Variants in PDK3 observed in about 807,000 individuals in gnomAD.
The protein encoded by PDK3 is pyruvate dehydrogenase kinase 3.
Under a neutral mutation model 32.0 loss-of-function variants are expected in PDK3, and 12 were observed. The ratio of observed to expected loss-of-function variants is 0.37; its 90% CI spans 0.24 to 0.61. PDK3 has a LOEUF of 0.61. PDK3 is among the 20% of genes least tolerant of loss of function. The probability of loss-of-function intolerance (pLI) is 0.65; values close to 1 mark genes in which losing one functional copy is unlikely to be tolerated. For missense variants in PDK3, 188 were observed against 316.9 expected (o/e 0.59, Z 3.09); for synonymous variants, 122 against 116.3 (o/e 1.05, Z -0.31).
Position 24,465,582 on chromosome X carries a change from C to T in PDK3, c.106+21C>T, listed in dbSNP as rs769411227. 4.6e-6 allele frequency: 5 copies of T among 1,078,135 alleles called. No homozygotes were observed. The South Asian group carries it at 9.6e-5, about 21-fold the overall frequency. 88.9% of individuals were successfully genotyped at this position (1,078,135 alleles called of 1,213,427 possible). A position where few individuals can be genotyped will look rare whatever the true frequency, so the allele number is the denominator to read the frequency against. Reference sequence around the variant, plus strand: ...CTTCGGTGAGTACGGGGCCAAGGGTCCCCATGGGCCCGGGGCCGCCGCCAT... The same window carrying T: ...CTTCGGTGAGTACGGGGCCAAGGGTTCCCATGGGCCCGGGGCCGCCGCCAT... On this transcript the variant is annotated intron_variant, in intron 1 of 10. Transcript: ENST00000379162.
At chrX:24,533,155 G>C (rs1350994390) in intron 10 of PDK3, among the ~76,000 whole-genome samples, 1 of 45,620 alleles carries the variant, frequency 2.2e-5, no homozygotes, top group Non-Finnish European at 3.9e-5. Context: ...TTTTTTTTTT[G>C]AGATAGAGTC....
intron 9 of PDK3, among the ~76,000 whole-genome samples, chrX:24,528,634 T>G (rs988452912): frequency 8.8e-6 from 1 of 113,118 alleles, no homozygotes; most frequent in African/African-American, 3.2e-5. Context: ...CTGTCAAATT[T>G]GTTTATATAA....
At chrX:24,532,109 T>C (rs967019351) in intron 10 of PDK3, among the ~76,000 whole-genome samples, 2 of 110,064 alleles carry the variant, frequency 1.8e-5, no homozygotes, top group African/African-American at 3.3e-5. Flanking sequence ...CTACTAAAAG[T>C]ACAAAAAATT....
At chrX:24,486,888 C>T (rs1247300640) in intron 1 of PDK3, among the ~76,000 whole-genome samples, 1 of 111,645 alleles carries the variant, frequency 9.0e-6, no homozygotes, top group Non-Finnish European at 1.9e-5. Flanking sequence ...GCCTCAGCCT[C>T]CCAAAGTGCT....
chrX:24,529,627 C>T (rs1922601177), intron 9 of PDK3, among the ~76,000 whole-genome samples: 3 of 110,404 alleles, frequency 2.7e-5, no homozygotes, highest in Admixed American at 1.9e-4. Context: ...GGAGCAGTGG[C>T]GCATGCTTGT....
chrX:24,498,450 G>A (rs766931584), intron 2 of PDK3, among the ~76,000 whole-genome samples: 2 of 112,086 alleles, frequency 1.8e-5, no homozygotes, highest in East Asian at 5.6e-4. Flanking sequence ...CAAAAGCAGA[G>A]CAGGTTGATT....
chrX:24,544,195 G>A (rs1314169343), exon 12 of PDK3, among the ~76,000 whole-genome samples: 1 of 111,317 alleles, frequency 9.0e-6, no homozygotes, highest in African/African-American at 3.3e-5. Context: ...GGAACATGTT[G>A]TCTGTGAGTG....
chrX:24,539,820 C>T (rs187023859), exon 12 of PDK3: 10 of 112,212 alleles, frequency 8.9e-5, no homozygotes, highest in Admixed American at 7.6e-4. Flanking sequence ...TTAAAGCATT[C>T]GAAATGTTAT....
chrX:24,482,084 C>T (rs1054089660), intron 1 of PDK3, among the ~76,000 whole-genome samples: 3 of 112,347 alleles, frequency 2.7e-5, no homozygotes, highest in Non-Finnish European at 5.6e-5. Flanking sequence ...CTGTAATTCT[C>T]ACAGCGTCCA....
intron 1 of PDK3, among the ~76,000 whole-genome samples, chrX:24,468,157 G>GTA (rs1260499423): frequency 7.1e-5 from 8 of 112,170 alleles, no homozygotes; most frequent in African/African-American, 2.6e-4. Context: ...TTATGTGGAT[G>GTA]TACTGCACAT....
At chrX:24,518,812 C>T (rs1372300643) in intron 5 of PDK3, 121 bp from the exon 6 acceptor site, 1 of 391,331 alleles carries the variant, frequency 2.6e-6, no homozygotes, top group African/African-American at 2.7e-5. Context: ...ATCTTATGTA[C>T]CTATAGATAT....
At chrX:24,516,620 A>C (rs977773620) in intron 5 of PDK3, among the ~76,000 whole-genome samples, 1 of 111,798 alleles carries the variant, frequency 8.9e-6, no homozygotes, top group Non-Finnish European at 1.9e-5. Context: ...TTATGTAAAA[A>C]GTCCAGAATA....
intron 1 of PDK3, among the ~76,000 whole-genome samples, chrX:24,470,964 G>C (rs750435007): frequency 9.1e-6 from 1 of 110,112 alleles, no homozygotes; most frequent in East Asian, 2.8e-4. Context: ...TTAAAAATTA[G>C]GTGCTTTCTG....
chrX:24,547,269 C>T (rs1923017615), exon 12 of PDK3: 1 of 112,297 alleles, frequency 8.9e-6, no homozygotes, highest in South Asian at 3.6e-4. Context: ...ATACCGGATC[C>T]AGGAAGCTTA....
intron 1 of PDK3, among the ~76,000 whole-genome samples, chrX:24,478,514 C>T (rs925667180): frequency 2.0e-4 from 22 of 111,601 alleles, no homozygotes; most frequent in South Asian, 1.1e-3. Flanking sequence ...TAGCCTATTT[C>T]GCTTTTATGG....
At chrX:24,507,819 TGCTAGCTTTGAGAGA>T (rs1374589206) in intron 5 of PDK3, among the ~76,000 whole-genome samples, 2 of 94,010 alleles carry the variant, frequency 2.1e-5, no homozygotes, top group African/African-American at 7.3e-5. Context: ...TATAAAGGAG[TGCTAGCTTTGAGAGA>T]GGTATTTAAA....
At chrX:24,494,088 C>A (rs746523525) in intron 1 of PDK3, among the ~76,000 whole-genome samples, 1 of 112,358 alleles carries the variant, frequency 8.9e-6, no homozygotes, top group African/African-American at 3.2e-5. Context: ...TATGGTCAAC[C>A]CACATCTTAC....
chrX:24,499,159 A>G, intron 3 of PDK3: 1 of 200,468 alleles, frequency 5.0e-6, no homozygotes, highest in Non-Finnish European at 9.1e-6. Context: ...TGAACTGGGC[A>G]GTCACTATAA....
chrX:24,478,353 A>T (rs1326113185), intron 1 of PDK3, among the ~76,000 whole-genome samples: 1 of 111,714 alleles, frequency 9.0e-6, no homozygotes, highest in South Asian at 3.8e-4. Flanking sequence ...CCAGCTACTC[A>T]GGAGGCTGAG....
Sources: gnomAD v4.1 joint callset for allele counts (sites outside exome capture counted in the v4.1 genomes callset) on GRCh38, gnomAD v4.1.1 for gene constraint, MANE v1.5 for transcripts, NCBI Gene and HGNC (gene_info 2026-07-23, HGNC 2026-07-21) for gene names.